Variants in PARD3 observed in about 807,000 individuals in gnomAD.
PARD3 encodes the protein partitioning defective 3 homolog.
PARD3 carries 75 observed loss-of-function variants against 155.4 expected under a neutral mutation model. That is an observed-to-expected ratio of 0.48 (90% confidence interval 0.40 to 0.58). PARD3 has a LOEUF of 0.58. Among genes scored for constraint, PARD3 ranks in the 20% least tolerant of loss-of-function variants. PARD3 has a pLI of 0.00. For synonymous variants in PARD3, 576 were observed against 610.5 expected, an observed-to-expected ratio of 0.94 and a Z score of 0.83; for missense variants, 1,642 against 1,721.7, an observed-to-expected ratio of 0.95 and a Z score of 0.82.
At chr10:34,561,747 A>G (rs941865549) in intron 2 of PARD3, among the ~76,000 whole-genome samples, 1 of 151,540 alleles carries the variant, frequency 6.6e-6, no homozygotes, top group Non-Finnish European at 1.5e-5. Context: ...CGAACTCCCA[A>G]TCTCAGGTGA....
intron 23 of PARD3, among the ~76,000 whole-genome samples, chr10:34,124,179 T>A (rs940282484): frequency 6.6e-5 from 10 of 152,208 alleles, no homozygotes; most frequent in African/African-American, 2.2e-4. Context: ...AAATTTTGTA[T>A]GTCCAAGGGC....
At chr10:34,393,264 A>AT in intron 7 of PARD3, among the ~76,000 whole-genome samples, 1 of 152,122 alleles carries the variant, frequency 6.6e-6, no homozygotes, top group Non-Finnish European at 1.5e-5. Flanking sequence ...GTAGATGTAA[A>AT]TAAGTGAGAA....
chr10:34,791,089 T>C lies in PARD3; in HGVS notation c.120+23787A>G, dbSNP rs1305915399. ...GTATTCTCAACTGCTTACTTCTCTA[T>C]TCAGTTAGATAATAGGAAATATGAC... On this transcript the variant is annotated intron_variant, in intron 1 of 24. Transcript: ENST00000374788. 5.9e-5 allele frequency among the ~76,000 whole-genome samples: 9 copies of C among 152,326 alleles called. No individual in the cohort carries two copies. In the East Asian group the frequency reaches 1.5e-3, roughly 26 times the overall value.
At chr10:34,194,556 A>C (rs1749301428) in intron 22 of PARD3, among the ~76,000 whole-genome samples, 1 of 151,888 alleles carries the variant, frequency 6.6e-6, no homozygotes, top group Non-Finnish European at 1.5e-5. Context: ...ATCAGTTGGA[A>C]CTGTTTCGTA....
intron 14 of PARD3, among the ~76,000 whole-genome samples, chr10:34,351,341 A>T (rs770929228): frequency 6.6e-6 from 1 of 152,224 alleles, no homozygotes. Flanking sequence ...CATTCCTAAA[A>T]GTGAGTGAGT....
intron 5 of PARD3, among the ~76,000 whole-genome samples, chr10:34,403,459 T>C (rs919229069): frequency 2.0e-5 from 3 of 152,216 alleles, no homozygotes; most frequent in Admixed American, 1.3e-4. Flanking sequence ...AGGTTCAAGA[T>C]ACAATGTCAA....
chr10:34,144,056 A>G (rs1379704045), intron 22 of PARD3, among the ~76,000 whole-genome samples: 1 of 152,158 alleles, frequency 6.6e-6, no homozygotes, highest in East Asian at 1.9e-4. Flanking sequence ...AGATTTAGTT[A>G]AATTATTATA....
intron 4 of PARD3, among the ~76,000 whole-genome samples, chr10:34,469,733 T>G (rs1021991739): frequency 2.0e-5 from 3 of 152,152 alleles, no homozygotes; most frequent in Non-Finnish European, 4.4e-5. Context: ...AGAGGTTGCC[T>G]GTGAGGAGAA....
At chr10:34,802,873 C>G (rs1842945744) in intron 1 of PARD3, among the ~76,000 whole-genome samples, 1 of 151,886 alleles carries the variant, frequency 6.6e-6, no homozygotes, top group Admixed American at 6.6e-5. Context: ...CCTACAATAC[C>G]TTTTCACATT....
chr10:34,336,076 T>C (rs1329951040), intron 18 of PARD3, 123 bp downstream of exon 18: 2 of 664,394 alleles, frequency 3.0e-6, no homozygotes, highest in African/African-American at 1.9e-5. Flanking sequence ...TTTCTCACAA[T>C]GAAAACATCT....
intron 1 of PARD3, among the ~76,000 whole-genome samples, chr10:34,782,032 A>AT (rs1206671591): frequency 5.3e-5 from 8 of 152,234 alleles, no homozygotes; most frequent in African/African-American, 1.9e-4. Context: ...AGCTGCAATG[A>AT]TTTTTTAGAT....
chr10:34,401,904 G>A lies in PARD3; in HGVS notation c.728C>T (p.Thr243Ile). 1 of 1,613,280 alleles carries A rather than the reference G, an allele frequency of 6.2e-7. No individual in the cohort carries two copies. Among genetic ancestry groups the A allele is most frequent in the Non-Finnish European group, 8.5e-7 (1 of 1,179,330 alleles). ...TTCAACACGACTGTTATCCTCTTCT[G>A]TCCCATCCTCATCCTAGAGGCAGCC... The part of the protein sequence containing the change: ...LEKQEQDEDG[T>I]EEDNSRVEPV... The change falls in exon 6 of 25, where the codon ACA becomes ATA. Residue 243 changes from threonine (T) to isoleucine (I), a missense_variant. Thr to Ile is a moderately conservative substitution (Grantham distance 89, BLOSUM62 -1). Around this residue, in one of 3 missense-constraint regions of PARD3, gnomAD observed 1,529 missense variants for 1,587.3 expected, o/e 0.96. Transcript: ENST00000374788.
intron 3 of PARD3, among the ~76,000 whole-genome samples, chr10:34,476,755 C>T (rs1402687975): frequency 6.6e-6 from 1 of 152,154 alleles, no homozygotes. Flanking sequence ...CATAAAAGCA[C>T]TGCAAAGCAG....
chr10:34,483,401 G>A (rs1031396395), intron 3 of PARD3, among the ~76,000 whole-genome samples: 6 of 149,486 alleles, frequency 4.0e-5, no homozygotes, highest in Admixed American at 2.0e-4. Context: ...ATAATTGCTT[G>A]AGCCTGGGAG....
At chr10:34,527,275 C>T (rs2082550154) in intron 2 of PARD3, among the ~76,000 whole-genome samples, 1 of 152,166 alleles carries the variant, frequency 6.6e-6, no homozygotes, top group African/African-American at 2.4e-5. Context: ...GTATTTCCAA[C>T]TCTAAGAACT....
chr10:34,186,183 G>C (rs141381475), intron 22 of PARD3, among the ~76,000 whole-genome samples: 43 of 151,930 alleles, frequency 2.8e-4, no homozygotes, highest in African/African-American at 1.0e-3. Flanking sequence ...CAGGCCACGA[G>C]GACACAACTT....
intron 1 of PARD3, among the ~76,000 whole-genome samples, chr10:34,792,408 C>T (rs4934658): frequency 0.75 from 113,978 of 152,128 alleles, 43,272 homozygotes; most frequent in African/African-American, 0.84. Flanking sequence ...TTCTTTACTA[C>T]AGTAGCACCC....
At chr10:34,692,572 C>T (rs1376771650) in intron 2 of PARD3, among the ~76,000 whole-genome samples, 2 of 152,062 alleles carry the variant, frequency 1.3e-5, no homozygotes, top group Admixed American at 6.6e-5. Context: ...TAAAACAACC[C>T]CATTAAAAAG....
intron 2 of PARD3, among the ~76,000 whole-genome samples, chr10:34,674,829 C>T (rs1004850751): frequency 1.3e-5 from 2 of 152,254 alleles, no homozygotes; most frequent in African/African-American, 4.8e-5. Flanking sequence ...AGAACCTTCC[C>T]GGTCTAAGCC....
Sources: allele counts gnomAD v4.1 joint callset (sites outside exome capture counted in the v4.1 genomes callset), GRCh38; gene constraint gnomAD v4.1.1; regional missense constraint gnomAD v4.1.1; transcripts MANE v1.5; gene names NCBI Gene and HGNC (gene_info 2026-07-23, HGNC 2026-07-21).